Variants in HMGA2 observed in about 807,000 individuals in gnomAD.
The protein encoded by HMGA2 is high mobility group protein HMGI-C.
A neutral mutation model predicts 19.1 loss-of-function variants in HMGA2; 8 were observed. The observed-to-expected ratio is 0.42, with a 90% confidence interval of 0.25 to 0.76. HMGA2 has a LOEUF of 0.76. HMGA2 is among the 30% of genes least tolerant of loss of function. The pLI is 0.28. For synonymous variants in HMGA2, 60 were observed against 48.8 expected (o/e 1.23, Z -0.96); for missense variants, 109 against 136.3 (o/e 0.80, Z 1.00).
intron 4 of HMGA2, among the ~76,000 whole-genome samples, chr12:65,959,306 GT>G (rs1172894703): frequency 3.3e-5 from 5 of 152,178 alleles, no homozygotes; most frequent in Admixed American, 1.3e-4. Flanking sequence ...TTTTAGTGGA[GT>G]TTTTTTCCAA....
chr12:65,924,370 A>G (rs1466945248), intron 3 of HMGA2, among the ~76,000 whole-genome samples: 2 of 152,152 alleles, frequency 1.3e-5, no homozygotes, highest in African/African-American at 4.8e-5. Context: ...GAGGGACTCA[A>G]ATTTTGTAAA....
At chr12:65,939,348 C>T (rs1876004956) in intron 3 of HMGA2, among the ~76,000 whole-genome samples, 1 of 151,964 alleles carries the variant, frequency 6.6e-6, no homozygotes, top group South Asian at 2.1e-4. Flanking sequence ...CACATGCACA[C>T]ATACAAGCTT....
intron 4 of HMGA2, 173 bp downstream of exon 4, chr12:65,951,588 T>A: frequency 1.8e-6 from 1 of 549,272 alleles, no homozygotes; most frequent in East Asian, 3.0e-5. Context: ...TAGTCTGCAA[T>A]CGTACCATGA....
In HMGA2 at chr12:65,824,718, TC is replaced by T. The variant is rs1196339645; in HGVS notation, c.-552del. ...GCACTTTCAATCTCAATCTCTTCTC[TC>T]TCTCTCTCTCTCTCTCTCTCTCTCT... is the stretch of plus-strand genomic sequence containing the variant. On this transcript the variant is annotated 5_prime_UTR_variant, in exon 1 of 5. Coordinates refer to ENST00000403681, the MANE Select transcript of HMGA2 (RefSeq NM_003483.6). 4 of 56,646 alleles carry T rather than the reference TC, an allele frequency of 7.1e-5. 1 individual carries two copies. The highest frequency in any genetic ancestry group is 5.4e-4 in the East Asian group (3 of 5,578). The allele number at this position is 56,646 out of a possible 1,614,324, so 3.5% of individuals were successfully genotyped here.
At chr12:65,888,704 C>T (rs1298096188) in intron 3 of HMGA2, among the ~76,000 whole-genome samples, 1 of 150,714 alleles carries the variant, frequency 6.6e-6, no homozygotes, top group Non-Finnish European at 1.5e-5. Context: ...GCTGGGACTA[C>T]AGGCGCCCGC....
At chr12:65,861,511 A>G (rs995302503) in intron 3 of HMGA2, among the ~76,000 whole-genome samples, 2 of 152,028 alleles carry the variant, frequency 1.3e-5, no homozygotes, top group Admixed American at 6.6e-5. Context: ...CATTTTATAT[A>G]TGTGGGTCAC....
intron 3 of HMGA2, among the ~76,000 whole-genome samples, chr12:65,861,948 G>A (rs368651298): frequency 1.6e-4 from 24 of 151,730 alleles, no homozygotes; most frequent in African/African-American, 5.8e-4. Context: ...CAGTTCAAGC[G>A]ATTCTCCTGC....
At chr12:65,859,933 A>G (rs1341002426) in intron 3 of HMGA2, 1 of 306,146 alleles carries the variant, frequency 3.3e-6, no homozygotes, top group Non-Finnish European at 6.7e-6. Context: ...AAAAAAAAAA[A>G]ATTAAAAATT....
chr12:65,915,151 G>A (rs1183356949), intron 3 of HMGA2: 1 of 1,613,214 alleles, frequency 6.2e-7, no homozygotes, highest in South Asian at 1.1e-5. Flanking sequence ...GAGGAGTCCA[G>A]GATAGCTCTT....
At chr12:65,854,050 G>T (rs1010034585) in intron 3 of HMGA2, among the ~76,000 whole-genome samples, 3 of 152,170 alleles carry the variant, frequency 2.0e-5, no homozygotes, top group African/African-American at 7.2e-5. Context: ...TATGTGTAAT[G>T]CTGGGACATT....
chr12:65,826,532 C>T (rs1483272922), intron 1 of HMGA2: 1 of 152,160 alleles, frequency 6.6e-6, no homozygotes, highest in Non-Finnish European at 1.5e-5. Flanking sequence ...CCAAAGTTGT[C>T]CGAGAGCAAG....
At chr12:65,910,120 A>G (rs1028469814) in intron 3 of HMGA2, among the ~76,000 whole-genome samples, 6 of 152,210 alleles carry the variant, frequency 3.9e-5, no homozygotes, top group Non-Finnish European at 8.8e-5. Flanking sequence ...AAAGCAATGA[A>G]GACGAGGCTC....
chr12:65,896,180 C>T (rs1874121012), intron 3 of HMGA2, among the ~76,000 whole-genome samples: 2 of 152,122 alleles, frequency 1.3e-5, no homozygotes, highest in African/African-American at 4.8e-5. Context: ...CTTTGAAAAC[C>T]ATTTTCTTCA....
intron 3 of HMGA2, among the ~76,000 whole-genome samples, chr12:65,943,389 C>G (rs1386057831): frequency 1.3e-5 from 2 of 152,142 alleles, no homozygotes; most frequent in African/African-American, 4.8e-5. Flanking sequence ...ATCAGCCCCC[C>G]AGTCTGTTCT....
intron 1 of HMGA2, chr12:65,827,024 A>G (rs1870242363): frequency 6.6e-6 from 1 of 152,198 alleles, no homozygotes. Context: ...AGTCTCACTT[A>G]ATCACCGAAT....
intron 3 of HMGA2, among the ~76,000 whole-genome samples, chr12:65,886,363 CTTTTT>C (rs766865222): frequency 7.2e-6 from 1 of 138,232 alleles, no homozygotes. Context: ...CTTTTTCTCT[CTTTTT>C]TTTTTTTTTG....
chr12:65,915,121 G>C (rs780726273), intron 3 of HMGA2: 2 of 1,613,588 alleles, frequency 1.2e-6, no homozygotes. Context: ...GTACCAAAAG[G>C]AGTCACTGAA....
chr12:65,901,569 A>G (rs752936078), intron 3 of HMGA2, among the ~76,000 whole-genome samples: 15 of 152,218 alleles, frequency 9.9e-5, no homozygotes, highest in Admixed American at 6.5e-5. Context: ...TTTTGCAAGA[A>G]ATAGCAAGTG....
Position 65,896,628 on chromosome 12 carries a change from T to A in HMGA2, c.250-54755T>A, listed in dbSNP as rs535246374. ...CAGCATGGCCATTTCTAGAAGCAGATCTTCTGACCTTTGCTGCTACTCGTA... is the reference window on the plus strand; with the variant it reads ...CAGCATGGCCATTTCTAGAAGCAGAACTTCTGACCTTTGCTGCTACTCGTA... On this transcript the variant is annotated intron_variant, in intron 3 of 4. Coordinates refer to ENST00000403681, the MANE Select transcript of HMGA2 (RefSeq NM_003483.6). Among the ~76,000 whole-genome samples the A allele has an allele frequency of 2.0e-5, 3 of 152,360 alleles. No homozygotes were observed. In the South Asian group the frequency reaches 6.2e-4, roughly 32 times the overall value.
Sources: allele counts gnomAD v4.1 joint callset (sites outside exome capture counted in the v4.1 genomes callset), GRCh38; gene constraint gnomAD v4.1.1; transcripts MANE v1.5; gene names NCBI Gene and HGNC (gene_info 2026-07-23, HGNC 2026-07-21).